The following GSDME variants were observed in gnomAD, a reference collection of about 807,000 sequenced individuals.
GSDME encodes the protein gasdermin E, also known as gasdermin-E.
Under a neutral mutation model 47.5 loss-of-function variants are expected in GSDME, and 44 were observed. The ratio of observed to expected loss-of-function variants is 0.93; its 90% CI spans 0.73 to 1.19. The LOEUF (loss-of-function observed/expected upper bound fraction) is 1.19. Ranked by LOEUF, GSDME falls within the 50% of genes most tolerant of loss-of-function variation. The pLI is 0.00. For missense variants in GSDME, 663 were observed against 604.2 expected (o/e 1.10, Z -1.02); for synonymous variants, 258 against 252.8 (o/e 1.02, Z -0.20).
Position 24,739,765 on chromosome 7 carries a change from A to G in GSDME, c.404+4797T>C, listed in dbSNP as rs56753192. 0.016 allele frequency among the ~76,000 whole-genome samples: 2,372 copies of G among 152,248 alleles called. 71 individuals are homozygous for G. The highest frequency in any genetic ancestry group is 0.055 in the African/African-American group (2,264 of 41,530). On this transcript the variant is annotated intron_variant, in intron 3 of 9. Coordinates refer to ENST00000645220, the MANE Select transcript of GSDME (RefSeq NM_001127453.2). This position sits in a 1 kb window ranked among gnomAD's most constrained non-coding sequence, Gnocchi z 5.1. ...GATGAATAAAGAAAATGTGGTAAAT[A>G]TACACGATAGAGTACTATTTAGTCA...
Position 24,706,374 on chromosome 7 carries a change from G to A in GSDME, c.993C>T (p.Cys331=), listed in dbSNP as rs771064257. ...GCGAGAGGCCGCTGACCAGGTCATC[G>A]CACTGTAGGGCAGGGAAGAAGAAGG... ...DELLMVLEPV[C]DDLVSGLSPT... The change falls in exon 8 of 10, where the codon TGC becomes TGT. Residue 331 remains cysteine (C), a splice_region_variant and synonymous_variant. Coordinates refer to ENST00000645220, the MANE Select transcript of GSDME (RefSeq NM_001127453.2). The A allele has an allele frequency of 2.2e-5, 35 of 1,612,014 alleles. 2 individuals carry two copies. The Admixed American group carries it at 2.8e-4, about 13-fold the overall frequency.
chr7:24,764,589 A>T, the GSDME span, among the ~76,000 whole-genome samples: 5 of 151,946 alleles, frequency 3.3e-5, no homozygotes, highest in African/African-American at 1.2e-4. This position sits in a 1 kb window ranked among gnomAD's most constrained non-coding sequence, Gnocchi z 4.4. Context: ...AACAATAAAA[A>T]ATCAACACCA....
Position 24,756,526 on chromosome 7 carries a change from C to T in GSDME, c.-20+870G>A, listed in dbSNP as rs1791022769. Reference sequence around the variant, plus strand: ...CACTCTTCAGCTGCTTCTCCAACCCCACAGCACTCCTTTCATTCCACTTGG... The same window carrying T: ...CACTCTTCAGCTGCTTCTCCAACCCTACAGCACTCCTTTCATTCCACTTGG... On this transcript the variant is annotated intron_variant, in intron 1 of 9. Coordinates refer to ENST00000645220, the MANE Select transcript of GSDME (RefSeq NM_001127453.2). The surrounding 1 kb of genome is among the most constrained non-coding windows in gnomAD (Gnocchi z 4.2). Among the ~76,000 whole-genome samples, 1 of 152,220 alleles carries T rather than the reference C, an allele frequency of 6.6e-6. No individual in the cohort carries two copies. The highest frequency in any genetic ancestry group is 2.1e-4 in the South Asian group (1 of 4,822).
chr7:24,734,089 A>G (rs1461640899), intron 3 of GSDME, among the ~76,000 whole-genome samples: 2 of 152,022 alleles, frequency 1.3e-5, no homozygotes, highest in Non-Finnish European at 2.9e-5. Flanking sequence ...ATAGAGAGAG[A>G]CTCTGTTTTG....
At chr7:24,766,474 C>A in the GSDME span, among the ~76,000 whole-genome samples, 1 of 152,076 alleles carries the variant, frequency 6.6e-6, no homozygotes, top group African/African-American at 2.4e-5. This position sits in a 1 kb window ranked among gnomAD's most constrained non-coding sequence, Gnocchi z 4.2. Context: ...CACCGACAGG[C>A]CCCGGTGTGT....
At chr7:24,748,607 G>A (rs1254053600) in intron 2 of GSDME, among the ~76,000 whole-genome samples, 1 of 152,096 alleles carries the variant, frequency 6.6e-6, no homozygotes, top group Admixed American at 6.6e-5. Flanking sequence ...ATACCGTACT[G>A]TAACAATACA....
chr7:24,729,518 C>G (rs541290510), intron 3 of GSDME, among the ~76,000 whole-genome samples: 1 of 152,258 alleles, frequency 6.6e-6, no homozygotes, highest in East Asian at 1.9e-4. Flanking sequence ...TAGTATGCCA[C>G]CAGGGGTGAT....
the GSDME span, among the ~76,000 whole-genome samples, chr7:24,785,653 C>T: frequency 1.3e-5 from 2 of 152,166 alleles, no homozygotes; most frequent in Non-Finnish European, 2.9e-5. Context: ...GATGGGGTTT[C>T]ACCACATTGG....
Position 24,699,277 on chromosome 7 carries a change from A to T in GSDME, c.1258-18T>A, listed in dbSNP as rs369493989. 1.9e-6 allele frequency: 3 copies of T among 1,555,734 alleles called. No individual in the cohort carries two copies. In the African/African-American group the frequency reaches 4.1e-5, roughly 21 times the overall value. On this transcript the variant is annotated intron_variant, in intron 9 of 9. Coordinates refer to ENST00000645220, the MANE Select transcript of GSDME (RefSeq NM_001127453.2). ...GCACGAAGCTGAAATGACACATTTA[A>T]ACAAATTCACTTTTAAAATGTCCTA...
chr7:24,717,833 C>A (rs756576847), intron 4 of GSDME, among the ~76,000 whole-genome samples: 2 of 152,120 alleles, frequency 1.3e-5, no homozygotes, highest in Non-Finnish European at 2.9e-5. Flanking sequence ...GCTGATAAAA[C>A]CAGGAACAGA....
At chr7:24,741,965 C>G (rs572325622) in intron 3 of GSDME, among the ~76,000 whole-genome samples, 10 of 152,254 alleles carry the variant, frequency 6.6e-5, no homozygotes, top group Admixed American at 3.3e-4. Context: ...TAAAACTCCT[C>G]TTTGGGTTCT....
At chr7:24,707,681 AAGAC>A in intron 7 of GSDME, 1 of 311,240 alleles carries the variant, frequency 3.2e-6, no homozygotes, top group East Asian at 8.2e-5. Flanking sequence ...AGTAAAGGAG[AAGAC>A]ACACACACAC....
chr7:24,756,705 TA>T lies in GSDME; in HGVS notation c.-20+690del, dbSNP rs1791028964. On this transcript the variant is annotated intron_variant, in intron 1 of 9. Coordinates refer to ENST00000645220, the MANE Select transcript of GSDME (RefSeq NM_001127453.2). This position sits in a 1 kb window ranked among gnomAD's most constrained non-coding sequence, Gnocchi z 4.2. Reference sequence around the variant, plus strand: ...CAGCGCTTTTCTAAGAGGTGCCCTCTAGTCTTTCCCCTCGGGGTGCAGACGG... The same window carrying T: ...CAGCGCTTTTCTAAGAGGTGCCCTCTGTCTTTCCCCTCGGGGTGCAGACGG... 6.6e-6 allele frequency among the ~76,000 whole-genome samples: 1 copy of T among 152,174 alleles called. No individual in the cohort carries two copies.
rs749615831 is a variant in GSDME, at chr7:24,757,302, G to A, written c.-20+94C>T. On this transcript the variant is annotated intron_variant, in intron 1 of 9. Transcript: ENST00000645220. The surrounding 1 kb of genome is among the most constrained non-coding windows in gnomAD (Gnocchi z 5.9). ...CAGAGAGAAAGCGCCGCGCGGCCTC[G>A]GCTGCCCCCGGCCCGGGACACCCAA... The A allele has an allele frequency of 4.6e-4, 70 of 152,666 alleles. No individual in the cohort carries two copies. Among genetic ancestry groups the A allele is most frequent in the Non-Finnish European group, 7.7e-4 (53 of 68,396 alleles). The allele number at this position is 152,666 out of a possible 1,614,324, so 9.5% of individuals were successfully genotyped here. A position where few individuals can be genotyped will look rare whatever the true frequency, so the allele number is the denominator to read the frequency against.
Position 24,714,964 on chromosome 7 carries a change from G to A in GSDME, c.697+2290C>T, listed in dbSNP as rs886832089. ...GCCAAGATACGGAAATAATGTAACT[G>A]TCTGTTGATGGACAAATAGATAAAG... On this transcript the variant is annotated intron_variant, in intron 5 of 9. Coordinates refer to ENST00000645220, the MANE Select transcript of GSDME (RefSeq NM_001127453.2). This position sits in a 1 kb window ranked among gnomAD's most constrained non-coding sequence, Gnocchi z 5.0. 1.3e-5 allele frequency among the ~76,000 whole-genome samples: 2 copies of A among 152,228 alleles called. No individual in the cohort carries two copies. Among genetic ancestry groups the A allele is most frequent in the African/African-American group, 4.8e-5 (2 of 41,456 alleles).
chr7:24,770,991 A>G, the GSDME span, among the ~76,000 whole-genome samples: 46 of 152,342 alleles, frequency 3.0e-4, no homozygotes, highest in Non-Finnish European at 6.2e-4. The surrounding 1 kb of genome is among the most constrained non-coding windows in gnomAD (Gnocchi z 4.6). Flanking sequence ...ATTTAGAGCA[A>G]CAATGACAGA....
chr7:24,708,213 G>A lies in GSDME; in HGVS notation c.904C>T (p.Leu302=), dbSNP rs758960158. ...AAAGCTGTCTGTTGTGGCTCAGGCA[G>A]CTCCGCAAATGGATGGAAATTCCTC... ...LERNFHPFAE[L]PEPQQTALSD... is the part of the protein sequence containing the mutation. Residue 302 remains leucine (L), a synonymous_variant, in exon 7 of 10, where the codon CTG becomes TTG. Transcript: ENST00000645220. 1 of 1,614,036 alleles carries A rather than the reference G, an allele frequency of 6.2e-7. No individual in the cohort carries two copies. Among genetic ancestry groups the A allele is most frequent in the Non-Finnish European group, 8.5e-7 (1 of 1,180,032 alleles).
chr7:24,737,272 G>C (rs537206762), intron 3 of GSDME, among the ~76,000 whole-genome samples: 2 of 151,824 alleles, frequency 1.3e-5, no homozygotes, highest in East Asian at 3.9e-4. Context: ...AAGAAAAAAA[G>C]AGAAGACCCA....
intron 5 of GSDME, chr7:24,710,615 C>G: frequency 1.8e-6 from 1 of 563,996 alleles, no homozygotes; most frequent in East Asian, 3.1e-5. Context: ...TTACATAAAG[C>G]TCCCTAATAT....
Sources: allele counts gnomAD v4.1 joint callset (sites outside exome capture counted in the v4.1 genomes callset), GRCh38; gene constraint gnomAD v4.1.1; non-coding constraint Gnocchi (gnomAD v3.1); transcripts MANE v1.5; gene names NCBI Gene and HGNC (gene_info 2026-07-23, HGNC 2026-07-21).